Variants in ATG10 observed in about 807,000 individuals in gnomAD.
ATG10 encodes the protein ubiquitin-like-conjugating enzyme ATG10.
A neutral mutation model predicts 32.1 loss-of-function variants in ATG10; 30 were observed. The ratio of observed to expected loss-of-function variants is 0.94; its 90% CI spans 0.70 to 1.27. The LOEUF (loss-of-function observed/expected upper bound fraction) is 1.27. ATG10 is among the 50% of genes most tolerant of loss of function. ATG10 has a pLI of 0.00. For synonymous variants in ATG10, 87 were observed against 91.5 expected, an observed-to-expected ratio of 0.95 and a Z score of 0.28; for missense variants, 233 against 262.3, an observed-to-expected ratio of 0.89 and a Z score of 0.77.
chr5:82,107,185 C>A (rs1227323150), intron 3 of ATG10, among the ~76,000 whole-genome samples: 4 of 152,026 alleles, frequency 2.6e-5, no homozygotes, highest in Non-Finnish European at 5.9e-5. Context: ...TCAACAGTTT[C>A]AGCTAAAAAT....
intron 4 of ATG10, among the ~76,000 whole-genome samples, chr5:82,166,329 G>A (rs1224851806): frequency 1.3e-5 from 2 of 152,000 alleles, no homozygotes; most frequent in Non-Finnish European, 1.5e-5. Context: ...AGAAGCATTC[G>A]CCCCCCACCA....
At chr5:82,139,870 G>A (rs1481099320) in intron 3 of ATG10, among the ~76,000 whole-genome samples, 6 of 132,454 alleles carry the variant, frequency 4.5e-5, no homozygotes, top group Admixed American at 7.2e-5. Flanking sequence ...CCGGCCAGCC[G>A]CCCCGTCCGG....
chr5:82,243,576 C>T (rs1217395274), intron 5 of ATG10, among the ~76,000 whole-genome samples: 1 of 152,000 alleles, frequency 6.6e-6, no homozygotes, highest in East Asian at 1.9e-4. Context: ...GTGATAAACA[C>T]CATCACTTCA....
chr5:82,050,839 C>CAAA (rs71000881), intron 2 of ATG10, among the ~76,000 whole-genome samples: 11 of 36,300 alleles, frequency 3.0e-4, no homozygotes, highest in African/African-American at 5.9e-4. Flanking sequence ...CCATCTCTAC[C>CAAA]AAAAAAAAAA....
At chr5:82,052,205 A>G (rs1009224341) in intron 2 of ATG10, among the ~76,000 whole-genome samples, 2 of 152,056 alleles carry the variant, frequency 1.3e-5, no homozygotes, top group Non-Finnish European at 1.5e-5. Context: ...ATAACCACCC[A>G]TTTTCTTTTA....
At chr5:82,040,823 T>C (rs950515157) in intron 2 of ATG10, among the ~76,000 whole-genome samples, 1 of 152,216 alleles carries the variant, frequency 6.6e-6, no homozygotes, top group Non-Finnish European at 1.5e-5. Flanking sequence ...ATAAACCCCT[T>C]GTCATGGCCA....
chr5:82,049,252 C>T (rs1201752170), intron 2 of ATG10, among the ~76,000 whole-genome samples: 3 of 151,826 alleles, frequency 2.0e-5, no homozygotes, highest in South Asian at 2.1e-4. Flanking sequence ...TTTGTAGGGA[C>T]GCGGATGAAA....
At chr5:82,252,803 C>G (rs1432831086) in intron 6 of ATG10, 144 bp downstream of exon 6, 2 of 597,308 alleles carry the variant, frequency 3.3e-6, no homozygotes, top group Admixed American at 6.8e-5. Flanking sequence ...ATGCTAGATG[C>G]TGTTCTAAGA....
At chr5:81,982,038 A>G (rs943930659) in intron 1 of ATG10, among the ~76,000 whole-genome samples, 2 of 152,218 alleles carry the variant, frequency 1.3e-5, no homozygotes, top group African/African-American at 4.8e-5. Context: ...AAATTATTCT[A>G]TTTTTCCAAT....
intron 3 of ATG10, among the ~76,000 whole-genome samples, chr5:82,146,430 C>T (rs1269510536): frequency 6.6e-6 from 1 of 151,912 alleles, no homozygotes; most frequent in Non-Finnish European, 1.5e-5. Flanking sequence ...GAGTGGTTGT[C>T]TAAACTTCTT....
At chr5:82,085,464 C>T (rs926661416) in intron 3 of ATG10, among the ~76,000 whole-genome samples, 12 of 132,424 alleles carry the variant, frequency 9.1e-5, no homozygotes, top group Non-Finnish European at 1.2e-4. Flanking sequence ...TGAACAATAT[C>T]CTTGATGAAC....
Position 82,245,181 on chromosome 5 carries a change from G to A in ATG10, c.454-7381G>A, listed in dbSNP as rs148497739. On this transcript the variant is annotated intron_variant, in intron 5 of 7. Transcript: ENST00000282185. The stretch of plus-strand genomic sequence containing the variant: ...GTACGTTAAACAAATAAGGAGTAGA[G>A]TTTAGATTTTTTAAAAAACTCTAAC... Among the ~76,000 whole-genome samples, 11 of 152,280 alleles carry A rather than the reference G, an allele frequency of 7.2e-5. No individual in the cohort carries two copies. The East Asian group carries it at 1.9e-3, about 27-fold the overall frequency.
intron 3 of ATG10, among the ~76,000 whole-genome samples, chr5:82,093,341 T>C (rs571105995): frequency 7.3e-4 from 111 of 152,336 alleles, no homozygotes; most frequent in Non-Finnish European, 1.2e-3. Context: ...TCTATTGTTA[T>C]GTCTTCAAGT....
At chr5:82,015,780 CT>C (rs1459683325) in intron 2 of ATG10, among the ~76,000 whole-genome samples, 1 of 152,178 alleles carries the variant, frequency 6.6e-6, no homozygotes, top group African/African-American at 2.4e-5. Flanking sequence ...GAACTTCCTC[CT>C]TTAGCTCAGA....
intron 2 of ATG10, among the ~76,000 whole-genome samples, chr5:82,045,067 G>A (rs1269192294): frequency 6.6e-6 from 1 of 152,072 alleles, no homozygotes; most frequent in Admixed American, 6.6e-5. Flanking sequence ...TTCTCTAGCG[G>A]GGATACTTAT....
chr5:82,207,909 T>C (rs1194003214), intron 5 of ATG10, among the ~76,000 whole-genome samples: 1 of 152,236 alleles, frequency 6.6e-6, no homozygotes, highest in Non-Finnish European at 1.5e-5. Flanking sequence ...CTGTTAACTG[T>C]GTTATTGGAC....
At position 81,995,602 on chromosome 5, in the gene ATG10, A is replaced by C. The variant is rs563814982; in HGVS notation, c.108+7924A>C. ...ATACTTCTTAAGTGTCATCACTTTC[A>C]TTTCCTGTTTTCTACTCATTAAAAA... On this transcript the variant is annotated intron_variant, in intron 2 of 7. Coordinates refer to ENST00000282185, the MANE Select transcript of ATG10 (RefSeq NM_031482.5). 4.6e-5 allele frequency among the ~76,000 whole-genome samples: 7 copies of C among 152,106 alleles called. No homozygotes were observed. In the South Asian group the frequency reaches 1.2e-3, roughly 27 times the overall value.
At chr5:82,200,319 A>G (rs982410680) in intron 5 of ATG10, among the ~76,000 whole-genome samples, 1 of 151,406 alleles carries the variant, frequency 6.6e-6, no homozygotes. Flanking sequence ...TTTAACTATA[A>G]CAATATATGT....
At chr5:82,172,515 A>G (rs1743846381) in intron 4 of ATG10, among the ~76,000 whole-genome samples, 1 of 152,176 alleles carries the variant, frequency 6.6e-6, no homozygotes, top group African/African-American at 2.4e-5. Context: ...GCCAAATTAT[A>G]TATCTAGATC....
Sources: gnomAD v4.1 joint callset for allele counts (sites outside exome capture counted in the v4.1 genomes callset) on GRCh38, gnomAD v4.1.1 for gene constraint, MANE v1.5 for transcripts, NCBI Gene and HGNC (gene_info 2026-07-23, HGNC 2026-07-21) for gene names.